Variants in CELF4 observed in about 807,000 individuals in gnomAD.
The protein encoded by CELF4 is CUG-BP- and ETR-3-like factor 4.
A neutral mutation model predicts 59.9 loss-of-function variants in CELF4; 18 were observed. The observed-to-expected ratio is 0.30, with a 90% confidence interval of 0.21 to 0.45. The LOEUF is 0.45. CELF4 is among the 20% of genes least tolerant of loss of function. CELF4 has a pLI of 1.00. For missense variants in CELF4, 456 were observed against 689.0 expected (o/e 0.66, Z 3.79); for synonymous variants, 261 against 267.1 (o/e 0.98, Z 0.22).
intron 3 of CELF4, among the ~76,000 whole-genome samples, chr18:37,313,276 T>G (rs1338072572): frequency 1.3e-5 from 2 of 152,196 alleles, no homozygotes; most frequent in Non-Finnish European, 2.9e-5. Flanking sequence ...TTCAACGTGC[T>G]GTGGTCCCAG....
intron 2 of CELF4, among the ~76,000 whole-genome samples, chr18:37,393,557 A>G (rs1379712926): frequency 6.6e-6 from 1 of 152,156 alleles, no homozygotes; most frequent in Non-Finnish European, 1.5e-5. Context: ...TCACAGAGGG[A>G]GGGCTCTGCC....
chr18:37,503,559 G>A (rs1233245418), intron 1 of CELF4, among the ~76,000 whole-genome samples: 2 of 152,200 alleles, frequency 1.3e-5, no homozygotes, highest in African/African-American at 2.4e-5. Flanking sequence ...CAGCTCACAA[G>A]TCACCTCCCC....
At chr18:37,404,964 C>A (rs1199055400) in intron 2 of CELF4, among the ~76,000 whole-genome samples, 1 of 152,156 alleles carries the variant, frequency 6.6e-6, no homozygotes, top group Non-Finnish European at 1.5e-5. Flanking sequence ...TCCCACCAAA[C>A]AAACATTCCT....
At chr18:37,283,219 C>A (rs1255295402) in intron 3 of CELF4, among the ~76,000 whole-genome samples, 2 of 151,876 alleles carry the variant, frequency 1.3e-5, no homozygotes, top group African/African-American at 4.8e-5. Context: ...CCTCCTTCTA[C>A]CCTGAGGTTG....
chr18:37,346,371 G>C (rs1004289594), intron 2 of CELF4, among the ~76,000 whole-genome samples: 1 of 152,214 alleles, frequency 6.6e-6, no homozygotes, highest in Non-Finnish European at 1.5e-5. Context: ...GGCTCCAGGG[G>C]AGAAGTGGGG....
At chr18:37,438,148 G>T (rs1407512905) in intron 2 of CELF4, among the ~76,000 whole-genome samples, 1 of 152,144 alleles carries the variant, frequency 6.6e-6, no homozygotes, top group African/African-American at 2.4e-5. Context: ...TTGTTTGTAT[G>T]CCCCTCAGTC....
intron 2 of CELF4, among the ~76,000 whole-genome samples, chr18:37,361,006 T>C (rs2098694739): frequency 1.3e-5 from 2 of 152,154 alleles, no homozygotes. Context: ...ACAGTAGGTG[T>C]TCATTAAACT....
intron 1 of CELF4, among the ~76,000 whole-genome samples, chr18:37,491,142 A>G (rs1338376841): frequency 7.1e-6 from 1 of 141,622 alleles, no homozygotes; most frequent in Non-Finnish European, 1.6e-5. Context: ...GAGGGGCCCC[A>G]TGCCCACCTC....
At chr18:37,526,653 C>A (rs1467808366) in intron 1 of CELF4, among the ~76,000 whole-genome samples, 1 of 152,202 alleles carries the variant, frequency 6.6e-6, no homozygotes, top group African/African-American at 2.4e-5. Flanking sequence ...CCTGTCATAC[C>A]ACAACCTGCC....
intron 2 of CELF4, among the ~76,000 whole-genome samples, chr18:37,454,265 G>A (rs1256831597): frequency 6.6e-6 from 1 of 152,200 alleles, no homozygotes; most frequent in Non-Finnish European, 1.5e-5. Context: ...GGAGGTACGA[G>A]AGGATGCATC....
chr18:37,403,417 A>ACC (rs2099352067), intron 2 of CELF4, among the ~76,000 whole-genome samples: 1 of 151,768 alleles, frequency 6.6e-6, no homozygotes, highest in African/African-American at 2.4e-5. Context: ...AGGCGAGGCC[A>ACC]CCCCTCCCCT....
At chr18:37,348,138 C>T (rs1417472608) in intron 2 of CELF4, among the ~76,000 whole-genome samples, 2 of 152,202 alleles carry the variant, frequency 1.3e-5, no homozygotes, top group African/African-American at 4.8e-5. Context: ...CTGCATTTTG[C>T]TCTTCTCTCT....
At chr18:37,373,931 C>G (rs974542517) in intron 2 of CELF4, among the ~76,000 whole-genome samples, 2 of 152,190 alleles carry the variant, frequency 1.3e-5, no homozygotes, top group African/African-American at 4.8e-5. Flanking sequence ...GTTGCTGGCT[C>G]AAAGATGTGC....
chr18:37,312,799 A>G (rs2096723354), intron 3 of CELF4, among the ~76,000 whole-genome samples: 1 of 152,130 alleles, frequency 6.6e-6, no homozygotes, highest in South Asian at 2.1e-4. Flanking sequence ...CTGGGCAGAT[A>G]ACTATTCCCC....
Position 37,253,904 on chromosome 18 carries a change from C to G in CELF4, c.1368G>C (p.Gln456His), listed in dbSNP as rs749931779. 7.5e-6 allele frequency: 12 copies of G among 1,608,346 alleles called. No individual in the cohort carries two copies. The highest frequency in any genetic ancestry group is 8.5e-6 in the Non-Finnish European group (10 of 1,177,714). Residue 456 changes from glutamine to histidine, a missense_variant, in exon 12 of 13, where the codon CAG becomes CAC. Transcript: ENST00000420428. The surrounding 1 kb of genome is among the most constrained non-coding windows in gnomAD (Gnocchi z 4.5). Reference sequence around the variant, plus strand: ...AGCCGTTCATGGCCTGGATGGCGGTCTGCGCGCTGGCCGGGTTGTCGAAGC... The same window carrying G: ...AGCCGTTCATGGCCTGGATGGCGGTGTGCGCGCTGGCCGGGTTGTCGAAGC... The part of the protein sequence containing the change: ...FVSFDNPASA[Q>H]TAIQAMNGFQ...
chr18:37,421,972 T>A (rs1345804960), intron 2 of CELF4, among the ~76,000 whole-genome samples: 1 of 152,242 alleles, frequency 6.6e-6, no homozygotes, highest in East Asian at 1.9e-4. Context: ...AGAAAAGATA[T>A]TCCTGGAGCC....
intron 2 of CELF4, among the ~76,000 whole-genome samples, chr18:37,441,956 TGC>T: frequency 8.0e-6 from 1 of 125,056 alleles, no homozygotes; most frequent in Admixed American, 8.6e-5. Flanking sequence ...GATGACACCG[TGC>T]GTCACCCAAA....
intron 1 of CELF4, among the ~76,000 whole-genome samples, chr18:37,560,553 T>C (rs2099986239): frequency 6.6e-6 from 1 of 152,262 alleles, no homozygotes; most frequent in African/African-American, 2.4e-5. Flanking sequence ...TTATGGCTAT[T>C]CAGTCTTCCC....
chr18:37,300,413 C>T (rs1408915354), intron 3 of CELF4, among the ~76,000 whole-genome samples: 1 of 152,092 alleles, frequency 6.6e-6, no homozygotes, highest in Non-Finnish European at 1.5e-5. Context: ...TTATTAGACA[C>T]AGGGTTTCAC....
Sources: allele counts gnomAD v4.1 joint callset (sites outside exome capture counted in the v4.1 genomes callset), GRCh38; gene constraint gnomAD v4.1.1; non-coding constraint Gnocchi (gnomAD v3.1); transcripts MANE v1.5; gene names NCBI Gene and HGNC (gene_info 2026-07-23, HGNC 2026-07-21).